The following ACAA2 variants were observed in gnomAD, a reference collection of about 807,000 sequenced individuals.
ACAA2 encodes acetyl-CoA acyltransferase 2.
In ACAA2, 35 loss-of-function variants were observed where a neutral mutation model predicts 44.8. That is an observed-to-expected ratio of 0.78 (90% CI 0.60 to 1.04). ACAA2 has a LOEUF of 1.04. Ranked by LOEUF, ACAA2 falls within the 50% of genes least tolerant of loss-of-function variation. The pLI is 0.00. For missense variants in ACAA2, 468 were observed against 482.6 expected (o/e 0.97, Z 0.28); for synonymous variants, 142 against 166.5 (o/e 0.85, Z 1.13).
chr18:49,799,573 A>T (rs947459123), intron 2 of ACAA2, among the ~76,000 whole-genome samples: 17 of 151,058 alleles, frequency 1.1e-4, no homozygotes, highest in Non-Finnish European at 2.4e-4. Flanking sequence ...TACAACCTCC[A>T]CCTCCCAGCC....
Position 49,784,000 on chromosome 18 carries a change from C to T in ACAA2, c.1110-69G>A, listed in dbSNP as rs2023297204. On this transcript the variant is annotated intron_variant, in intron 9 of 9. Transcript: ENST00000285093. ...CAGATTAATGAAATAGAACTAATAA[C>T]ATCACATCTGCATTACTCATCCTTA... 4.8e-6 allele frequency: 6 copies of T among 1,245,998 alleles called. No individual in the cohort carries two copies. In the Middle Eastern group the frequency reaches 7.3e-4, roughly 152 times the overall value. The allele number at this position is 1,245,998 out of a possible 1,614,324, so 77.2% of individuals were successfully genotyped here.
intron 1 of ACAA2, among the ~76,000 whole-genome samples, chr18:49,803,908 CTTTTTTTT>C (rs5824806): frequency 1.7e-5 from 2 of 118,028 alleles, no homozygotes; most frequent in African/African-American, 6.5e-5. Context: ...AATGATATTG[CTTTTTTTT>C]TTTTTTTTTT....
intron 9 of ACAA2, 99 bp from the exon 10 acceptor site, chr18:49,784,030 G>T: frequency 1.1e-6 from 1 of 918,230 alleles, no homozygotes; most frequent in Non-Finnish European, 1.7e-6. Context: ...TCCTTATTCA[G>T]CTCATCTGCT....
intron 8 of ACAA2, among the ~76,000 whole-genome samples, 180 bp downstream of exon 8, chr18:49,787,111 G>C (rs771455301): frequency 6.6e-6 from 1 of 151,844 alleles, no homozygotes; most frequent in Non-Finnish European, 1.5e-5. Context: ...AACCAGGTGG[G>C]GAAAAGTATC....
chr18:49,794,219 A>T, intron 5 of ACAA2, 61 bp downstream of exon 5: 3 of 1,236,664 alleles, frequency 2.4e-6, no homozygotes, highest in Non-Finnish European at 3.2e-6. Context: ...AATAGAAATG[A>T]TGAAAATATT....
chr18:49,800,720 A>G (rs1177307495), intron 2 of ACAA2, among the ~76,000 whole-genome samples: 2 of 152,052 alleles, frequency 1.3e-5, no homozygotes, highest in Non-Finnish European at 2.9e-5. Flanking sequence ...AAGAGTCATC[A>G]CCACTCCCTA....
At chr18:49,787,421 G>A (rs536052211) in intron 7 of ACAA2, 60 bp from the exon 8 acceptor site, 29 of 1,171,698 alleles carry the variant, frequency 2.5e-5, no homozygotes, top group East Asian at 1.2e-4. Context: ...TTATATTTAC[G>A]TATCAAGCTT....
Position 49,785,341 on chromosome 18 carries a change from G to C in ACAA2, c.965C>G (p.Ala322Gly), listed in dbSNP as rs1426108332. 1.2e-6 allele frequency: 2 copies of C among 1,612,148 alleles called. No homozygotes were observed. The highest frequency in any genetic ancestry group is 1.7e-6 in the Non-Finnish European group (2 of 1,179,590). The change falls in exon 9 of 10, where the codon GCT becomes GGT. Residue 322 changes from alanine (A) to glycine (G), a missense_variant. Ala to Gly is a moderately conservative substitution (Grantham distance 60). Coordinates refer to ENST00000285093, the MANE Select transcript of ACAA2 (RefSeq NM_006111.3). ...KDMDLVEVNE[A>G]FAPQYLAVER... ...AACAGCCAAGTACTGGGGAGCAAAA[G>C]CTTCATTCACCTTAAAACAAAAATT...
At chr18:49,802,502 C>T (rs1054027525) in intron 2 of ACAA2, among the ~76,000 whole-genome samples, 185 bp downstream of exon 2, 1 of 147,478 alleles carries the variant, frequency 6.8e-6, no homozygotes, top group African/African-American at 2.5e-5. Flanking sequence ...GCGGAAGTTG[C>T]AGCGAGCCAA....
chr18:49,787,842 T>G (rs1248068425), intron 7 of ACAA2, among the ~76,000 whole-genome samples: 1 of 152,200 alleles, frequency 6.6e-6, no homozygotes, highest in Non-Finnish European at 1.5e-5. Flanking sequence ...CAAGGCAGAC[T>G]GAGTGCTCTA....
At chr18:49,787,931 A>C (rs1184729421) in intron 7 of ACAA2, among the ~76,000 whole-genome samples, 1 of 152,236 alleles carries the variant, frequency 6.6e-6, no homozygotes, top group East Asian at 1.9e-4. Context: ...CATTTGGATA[A>C]AAGACAAGAA....
chr18:49,802,863 CA>C lies in ACAA2; in HGVS notation c.17-11del, dbSNP rs751787874. On this transcript the variant is annotated splice_polypyrimidine_tract_variant and intron_variant, in intron 1 of 9. Transcript: ENST00000285093. ...GCAACTACAAACACACCTATTGCAA[CA>C]AGAAGAGATTTGTAAGCCATCACAG... 1.2e-6 allele frequency: 2 copies of C among 1,613,802 alleles called. No homozygotes were observed. Among genetic ancestry groups the C allele is most frequent in the South Asian group, 2.2e-5 (2 of 91,034 alleles).
At chr18:49,790,316 G>GAGAT (rs1202328104) in intron 7 of ACAA2, among the ~76,000 whole-genome samples, 3 of 152,134 alleles carry the variant, frequency 2.0e-5, no homozygotes, top group African/African-American at 7.2e-5. Flanking sequence ...ACTCTATACA[G>GAGAT]AGATATGTCT....
chr18:49,793,899 T>G (rs998877798), intron 5 of ACAA2, among the ~76,000 whole-genome samples: 1 of 152,168 alleles, frequency 6.6e-6, no homozygotes, highest in African/African-American at 2.4e-5. Flanking sequence ...CTTCTTATGA[T>G]TATGATATGG....
intron 1 of ACAA2, among the ~76,000 whole-genome samples, chr18:49,803,255 A>AATAATAATAATG (rs1555790924): frequency 1.4e-5 from 2 of 147,572 alleles, no homozygotes; most frequent in Admixed American, 1.4e-4. Flanking sequence ...TAATAATAAT[A>AATAATAATAATG]ATAATAATAA....
intron 1 of ACAA2, among the ~76,000 whole-genome samples, chr18:49,807,696 G>A (rs952330072): frequency 6.6e-6 from 1 of 152,102 alleles, no homozygotes; most frequent in East Asian, 1.9e-4. Context: ...GCCAAGCATG[G>A]TGGTGTGTGC....
intron 7 of ACAA2, among the ~76,000 whole-genome samples, chr18:49,788,195 A>C (rs1470809730): frequency 6.6e-6 from 1 of 152,216 alleles, no homozygotes; most frequent in African/African-American, 2.4e-5. Flanking sequence ...TCAAAAGGTA[A>C]AAAATTTGGG....
chr18:49,798,506 C>T (rs1257476318), intron 2 of ACAA2, among the ~76,000 whole-genome samples: 1 of 150,308 alleles, frequency 6.7e-6, no homozygotes, highest in African/African-American at 2.4e-5. Flanking sequence ...CAACCAAAAA[C>T]ATTAACAGCC....
Position 49,787,363 on chromosome 18 carries a change from T to C in ACAA2, c.884-2A>G. ...CCCCACTGATAGCAGGGACAGGACC[T>C]ATATAATAATAAAAATCTTCTATAA... On this transcript the variant is annotated splice_acceptor_variant, in intron 7 of 9. Transcript: ENST00000285093. LOFTEE classifies it high-confidence loss of function. 1 of 1,408,828 alleles carries C rather than the reference T, an allele frequency of 7.1e-7. No individual in the cohort carries two copies. The highest frequency in any genetic ancestry group is 1.5e-5 in the African/African-American group (1 of 66,932). 87.3% of individuals were successfully genotyped at this position (1,408,828 alleles called of 1,614,324 possible).
Sources: allele counts gnomAD v4.1 joint callset (sites outside exome capture counted in the v4.1 genomes callset), GRCh38; gene constraint gnomAD v4.1.1; transcripts MANE v1.5; gene names NCBI Gene and HGNC (gene_info 2026-07-23, HGNC 2026-07-21).